DOCK2: variants seen among roughly 807,000 people sequenced by gnomAD.
The protein encoded by DOCK2 is dedicator of cytokinesis 2.
DOCK2 carries 87 observed loss-of-function variants against 248.9 expected under a neutral mutation model. The observed-to-expected ratio is 0.35, with a 90% CI of 0.29 to 0.42. The LOEUF (loss-of-function observed/expected upper bound fraction) is 0.42, where lower values mean the gene tolerates loss of function less well. Among genes scored for constraint, DOCK2 ranks in the 10% least tolerant of loss-of-function variants. The pLI is 1.00. For synonymous variants in DOCK2, 805 were observed against 821.6 expected, an observed-to-expected ratio of 0.98 and a Z score of 0.35; for missense variants, 1,747 against 2,300.2, an observed-to-expected ratio of 0.76 and a Z score of 4.92.
intron 27 of DOCK2, among the ~76,000 whole-genome samples, chr5:169,850,853 A>C (rs996790251): frequency 3.3e-5 from 5 of 152,122 alleles, no homozygotes; most frequent in African/African-American, 4.8e-5. Flanking sequence ...GCCACGAAAA[A>C]CTTTAATGGC....
rs373964984 is a variant in DOCK2 at position 169,872,524 on chromosome 5, G to A, written c.2799+31672G>A. ...ACCCCTTCTCCTAGGGCATCTATCTGCTGTTGGGTCTTCAGAAAATCACAG... is the reference window on the plus strand; with the variant it reads ...ACCCCTTCTCCTAGGGCATCTATCTACTGTTGGGTCTTCAGAAAATCACAG... On this transcript the variant is annotated intron_variant, in intron 27 of 51. Coordinates refer to ENST00000520908, the MANE Select transcript of DOCK2 (RefSeq NM_004946.3). Among the ~76,000 whole-genome samples the A allele has an allele frequency of 3.9e-5, 6 of 152,316 alleles. No homozygotes were observed. In the East Asian group the frequency reaches 9.6e-4, roughly 24 times the overall value.
chr5:169,951,856 T>G (rs750157701), intron 27 of DOCK2, among the ~76,000 whole-genome samples: 24 of 152,256 alleles, frequency 1.6e-4, no homozygotes, highest in Non-Finnish European at 2.8e-4. Flanking sequence ...TTTAGGAAAC[T>G]TGCCCAAGAT....
chr5:169,854,166 G>A (rs891432661), intron 27 of DOCK2, among the ~76,000 whole-genome samples: 1 of 150,702 alleles, frequency 6.6e-6, no homozygotes, highest in African/African-American at 2.4e-5. Flanking sequence ...GGAATTAAGG[G>A]GACAGTCAAA....
At chr5:169,757,737 G>T (rs970543283) in intron 23 of DOCK2, among the ~76,000 whole-genome samples, 1 of 151,668 alleles carries the variant, frequency 6.6e-6, no homozygotes, top group East Asian at 1.9e-4. Context: ...AAACCAATAA[G>T]AAAAAAATAC....
At chr5:169,711,695 C>A (rs1761594095) in intron 15 of DOCK2, among the ~76,000 whole-genome samples, 1 of 152,198 alleles carries the variant, frequency 6.6e-6, no homozygotes, top group South Asian at 2.1e-4. Flanking sequence ...AATTTACAGA[C>A]CTCTTTTCAT....
chr5:169,965,330 A>G (rs774630857), intron 27 of DOCK2, among the ~76,000 whole-genome samples: 43 of 152,228 alleles, frequency 2.8e-4, no homozygotes, highest in Non-Finnish European at 5.6e-4. Context: ...GGTGATGCTA[A>G]TGCTGCTGGT....
At chr5:169,819,407 G>T (rs956167580) in intron 26 of DOCK2, among the ~76,000 whole-genome samples, 2 of 152,194 alleles carry the variant, frequency 1.3e-5, no homozygotes, top group South Asian at 4.1e-4. Context: ...GATTGCTTGA[G>T]CTGAGGAGGT....
intron 27 of DOCK2, among the ~76,000 whole-genome samples, chr5:169,962,521 T>A (rs1032833825): frequency 1.3e-5 from 2 of 152,126 alleles, no homozygotes; most frequent in African/African-American, 4.8e-5. Context: ...CCTGCAAACA[T>A]TCACCTGGAG....
intron 22 of DOCK2, among the ~76,000 whole-genome samples, chr5:169,720,363 C>T (rs946173227): frequency 1.8e-4 from 28 of 152,298 alleles, no homozygotes; most frequent in African/African-American, 6.5e-4. Flanking sequence ...TATGTCTTTT[C>T]TACTTCTCAG....
At chr5:169,972,546 TA>T (rs1777545214) in intron 27 of DOCK2, among the ~76,000 whole-genome samples, 2 of 76,780 alleles carry the variant, frequency 2.6e-5, no homozygotes, top group African/African-American at 8.6e-5. Flanking sequence ...GTGAGACAGA[TA>T]GATAGATAGA....
intron 1 of DOCK2, among the ~76,000 whole-genome samples, chr5:169,642,225 T>C (rs1757191570): frequency 6.6e-6 from 1 of 152,262 alleles, no homozygotes; most frequent in Admixed American, 6.5e-5. Flanking sequence ...ATTTGTTCAC[T>C]CATTCATTCT....
At chr5:169,639,273 A>T (rs983671439) in intron 1 of DOCK2, among the ~76,000 whole-genome samples, 2 of 152,202 alleles carry the variant, frequency 1.3e-5, no homozygotes, top group Non-Finnish European at 1.5e-5. Context: ...GTTAACCTTT[A>T]CTAGGTTAAT....
intron 25 of DOCK2, among the ~76,000 whole-genome samples, chr5:169,789,773 C>G (rs1375045081): frequency 6.6e-6 from 1 of 152,224 alleles, no homozygotes; most frequent in Non-Finnish European, 1.5e-5. Context: ...GAGCCCCTGC[C>G]TCAAGTCTGT....
chr5:170,078,248 CA>C (rs1757905606), intron 48 of DOCK2, among the ~76,000 whole-genome samples: 1 of 152,184 alleles, frequency 6.6e-6, no homozygotes, highest in African/African-American at 2.4e-5. Flanking sequence ...CTTCCTCCTG[CA>C]CCACCTACCC....
At chr5:169,893,549 C>T (rs1171633052) in intron 27 of DOCK2, among the ~76,000 whole-genome samples, 21 of 149,488 alleles carry the variant, frequency 1.4e-4, no homozygotes, top group Non-Finnish European at 2.5e-4. Flanking sequence ...TGGGGTCAAA[C>T]ACTGGGGGAG....
At chr5:169,824,939 C>T (rs1450806500) in intron 26 of DOCK2, among the ~76,000 whole-genome samples, 1 of 152,020 alleles carries the variant, frequency 6.6e-6, no homozygotes, top group Non-Finnish European at 1.5e-5. Flanking sequence ...AAAAAACAAC[C>T]CCATCAACAA....
At chr5:169,867,530 CATCT>C (rs1435345179) in intron 27 of DOCK2, among the ~76,000 whole-genome samples, 2 of 151,798 alleles carry the variant, frequency 1.3e-5, no homozygotes, top group African/African-American at 4.9e-5. Context: ...TATCATCTAT[CATCT>C]ATCATGTATC....
chr5:170,045,913 A>C lies in DOCK2; in HGVS notation c.3966+8A>C, dbSNP rs1581553732. 2 of 1,614,094 alleles carry C rather than the reference A, an allele frequency of 1.2e-6. No homozygotes were observed. Among genetic ancestry groups the C allele is most frequent in the East Asian group, 4.5e-5 (2 of 44,876 alleles). The stretch of plus-strand genomic sequence containing the variant: ...CTGCTCAGCCAGAACCTGGTAAGGC[A>C]TCCCCTGGGAAGGCTGAATGCCCTG... On this transcript the variant is annotated splice_region_variant and intron_variant, in intron 39 of 51. Transcript: ENST00000520908.
chr5:169,766,975 C>G (rs868531858), intron 25 of DOCK2, among the ~76,000 whole-genome samples: 16 of 152,254 alleles, frequency 1.1e-4, no homozygotes, highest in South Asian at 2.1e-4. Flanking sequence ...AGGCTGGTCT[C>G]AAACTCCTGT....
Sources: allele counts gnomAD v4.1 joint callset (sites outside exome capture counted in the v4.1 genomes callset), GRCh38; gene constraint gnomAD v4.1.1; transcripts MANE v1.5; gene names NCBI Gene and HGNC (gene_info 2026-07-23, HGNC 2026-07-21).